RNF185: variants seen among roughly 807,000 people sequenced by gnomAD.
The protein encoded by RNF185 is ring finger protein 185, also known as E3 ubiquitin-protein ligase RNF185.
RNF185 carries 13 observed loss-of-function variants against 24.9 expected under a neutral mutation model. The ratio of observed to expected loss-of-function variants is 0.52; its 90% CI spans 0.34 to 0.83. The LOEUF (loss-of-function observed/expected upper bound fraction) is 0.83. RNF185 is among the 40% of genes least tolerant of loss of function. The pLI, the probability that RNF185 is intolerant of heterozygous loss-of-function variation, is 0.01. For missense variants in RNF185, 184 were observed against 244.7 expected, an observed-to-expected ratio of 0.75 and a Z score of 1.65; for synonymous variants, 79 against 90.3, an observed-to-expected ratio of 0.88 and a Z score of 0.71.
chr22:31,186,012 T>G (rs2048095126), intron 1 of RNF185, among the ~76,000 whole-genome samples: 1 of 152,258 alleles, frequency 6.6e-6, no homozygotes, highest in East Asian at 1.9e-4. Context: ...ATAGTATGAG[T>G]GTGCCAGGTG....
At chr22:31,170,617 T>A (rs2147925064) in intron 1 of RNF185, among the ~76,000 whole-genome samples, 1 of 152,158 alleles carries the variant, frequency 6.6e-6, no homozygotes, top group Middle Eastern at 3.4e-3. Flanking sequence ...TTCAAGCGAT[T>A]CCCATGTCTC....
At chr22:31,163,664 A>ATTTATTTG in intron 1 of RNF185, among the ~76,000 whole-genome samples, 1 of 147,790 alleles carries the variant, frequency 6.8e-6, no homozygotes, top group East Asian at 2.0e-4. Context: ...TATTTTATTT[A>ATTTATTTG]TTTATTTATT....
intron 1 of RNF185, among the ~76,000 whole-genome samples, chr22:31,185,106 G>A (rs959590317): frequency 1.3e-5 from 2 of 151,814 alleles, no homozygotes; most frequent in African/African-American, 4.8e-5. Context: ...GATGAAGAGA[G>A]CACATGTAAT....
At chr22:31,169,351 T>C (rs182707852) in intron 1 of RNF185, among the ~76,000 whole-genome samples, 143 of 152,334 alleles carry the variant, frequency 9.4e-4, no homozygotes, top group African/African-American at 3.3e-3. Flanking sequence ...GGTAGTGTCT[T>C]TTTATGCACA....
intron 1 of RNF185, among the ~76,000 whole-genome samples, chr22:31,166,689 G>GC: frequency 6.7e-6 from 1 of 149,982 alleles, no homozygotes; most frequent in African/African-American, 2.4e-5. Context: ...TGGCTCTGTT[G>GC]CCCAGGCTGG....
rs1050842065 is a variant in RNF185 at position 31,189,280 on chromosome 22, C to CTTTTTTTT, written c.176+2030_176+2037dup. Among the ~76,000 whole-genome samples, 134 of 61,542 alleles carry CTTTTTTTT rather than the reference C, an allele frequency of 2.2e-3. 23 individuals carry two copies. The highest frequency in any genetic ancestry group is 8.7e-3 in the East Asian group (15 of 1,718). The allele number at this position is 61,542 out of a possible 152,430, so 40.4% of individuals were successfully genotyped here. ...ATTTAAATGTACAGCTGTTGTATAT[C>CTTTTTTTT]TTTTTTTTTTTTTTTTTTTTTTTTT... On this transcript the variant is annotated intron_variant, in intron 2 of 6. Coordinates refer to ENST00000326132, the MANE Select transcript of RNF185 (RefSeq NM_152267.4).
At chr22:31,188,231 G>A (rs746183403) in intron 2 of RNF185, among the ~76,000 whole-genome samples, 23 of 152,172 alleles carry the variant, frequency 1.5e-4, no homozygotes, top group Non-Finnish European at 3.2e-4. Flanking sequence ...CAGAGAAATC[G>A]TGTGAAGAAA....
At chr22:31,171,135 A>G (rs1363188206) in intron 1 of RNF185, among the ~76,000 whole-genome samples, 1 of 147,042 alleles carries the variant, frequency 6.8e-6, no homozygotes, top group African/African-American at 2.5e-5. Context: ...GAGCACAGGA[A>G]CCAGGACCTT....
At chr22:31,162,693 C>G (rs1395173385) in intron 1 of RNF185, among the ~76,000 whole-genome samples, 1 of 150,588 alleles carries the variant, frequency 6.6e-6, no homozygotes, top group Non-Finnish European at 1.5e-5. Context: ...TATATATAGG[C>G]TGTGAACCAA....
intron 2 of RNF185, among the ~76,000 whole-genome samples, chr22:31,189,896 A>T (rs1229644656): frequency 2.0e-5 from 3 of 151,884 alleles, no homozygotes; most frequent in Admixed American, 6.6e-5. Context: ...GCCTGCTATC[A>T]ATTTTTTTTT....
intron 2 of RNF185, among the ~76,000 whole-genome samples, chr22:31,191,986 G>A (rs1716648113): frequency 6.6e-6 from 1 of 151,318 alleles, no homozygotes; most frequent in South Asian, 2.1e-4. Flanking sequence ...TTATGTTTCT[G>A]AGCTTTGGTT....
intron 1 of RNF185, among the ~76,000 whole-genome samples, chr22:31,186,042 TA>T (rs1283744462): frequency 1.3e-5 from 2 of 152,190 alleles, no homozygotes; most frequent in African/African-American, 4.8e-5. Flanking sequence ...GGTATGAGGG[TA>T]AACTTTTCAT....
intron 1 of RNF185, among the ~76,000 whole-genome samples, chr22:31,166,511 CT>C (rs986309738): frequency 2.6e-5 from 4 of 152,112 alleles, no homozygotes; most frequent in Admixed American, 1.3e-4. Flanking sequence ...AAAACACACA[CT>C]TTAATTTTAA....
chr22:31,163,989 T>G (rs1275771881), intron 1 of RNF185, among the ~76,000 whole-genome samples: 1 of 145,930 alleles, frequency 6.9e-6, no homozygotes, highest in African/African-American at 2.6e-5. Flanking sequence ...TTATTATTAT[T>G]ATTATTTTTT....
chr22:31,198,740 A>G (rs1158682346), intron 5 of RNF185, among the ~76,000 whole-genome samples: 1 of 119,608 alleles, frequency 8.4e-6, no homozygotes, highest in African/African-American at 3.2e-5. Flanking sequence ...TTGAGTTTGA[A>G]TAATGGCATT....
In RNF185 at chr22:31,187,278, C is replaced by T. The variant is rs775198810; in HGVS notation, c.176+8C>T. On this transcript the variant is annotated splice_region_variant and intron_variant, in intron 2 of 6. Coordinates refer to ENST00000326132, the MANE Select transcript of RNF185 (RefSeq NM_152267.4). ...GTGTGGCCACCTCTTCTGGTCAGTA[C>T]CCCTACTTCCACCCCAGAGAGCACA... is the stretch of plus-strand genomic sequence containing the variant. 2 of 1,613,424 alleles carry T rather than the reference C, an allele frequency of 1.2e-6. No homozygotes were observed. The highest frequency in any genetic ancestry group is 3.3e-5 in the Admixed American group (2 of 59,916).
chr22:31,179,818 C>T (rs906777428), intron 1 of RNF185, among the ~76,000 whole-genome samples: 8 of 152,308 alleles, frequency 5.3e-5, no homozygotes, highest in African/African-American at 4.8e-5. Flanking sequence ...GTTGGGTCCA[C>T]GAAGTGGGGT....
intron 5 of RNF185, among the ~76,000 whole-genome samples, chr22:31,197,777 C>T (rs2048221017): frequency 6.6e-6 from 1 of 151,948 alleles, no homozygotes; most frequent in African/African-American, 2.4e-5. Flanking sequence ...GAAACAAGGT[C>T]TCACTATGTT....
At chr22:31,188,596 G>A (rs2048122448) in intron 2 of RNF185, among the ~76,000 whole-genome samples, 1 of 152,138 alleles carries the variant, frequency 6.6e-6, no homozygotes, top group South Asian at 2.1e-4. Flanking sequence ...AGAGGCCATG[G>A]TGGGAGGATC....
Sources: allele counts gnomAD v4.1 joint callset (sites outside exome capture counted in the v4.1 genomes callset), GRCh38; gene constraint gnomAD v4.1.1; transcripts MANE v1.5; gene names NCBI Gene and HGNC (gene_info 2026-07-23, HGNC 2026-07-21).